Variants in PIK3CA observed in about 807,000 individuals in gnomAD.
PIK3CA encodes the protein phosphatidylinositol-4,5-bisphosphate 3-kinase catalytic subunit alpha.
In PIK3CA, 27 loss-of-function variants were observed where a neutral mutation model predicts 138.2. The observed-to-expected ratio is 0.20, with a 90% CI of 0.14 to 0.27. The LOEUF (loss-of-function observed/expected upper bound fraction) is 0.27, where lower values mean the gene tolerates loss of function less well. Among genes scored for constraint, PIK3CA ranks in the 10% least tolerant of loss-of-function variants. The probability of loss-of-function intolerance (pLI) is 1.00; values close to 1 mark genes in which losing one functional copy is unlikely to be tolerated. For synonymous variants in PIK3CA, 358 were observed against 413.2 expected, an observed-to-expected ratio of 0.87 and a Z score of 1.62; for missense variants, 544 against 1,277.4, an observed-to-expected ratio of 0.43 and a Z score of 8.75.
intron 9 of PIK3CA, among the ~76,000 whole-genome samples, chr3:179,211,443 G>A (rs1560142522): frequency 6.6e-6 from 1 of 152,150 alleles, no homozygotes; most frequent in Non-Finnish European, 1.5e-5. Context: ...GGCCGAAGCG[G>A]GTGAATCACC....
intron 20 of PIK3CA, 125 bp from the exon 21 acceptor site, chr3:179,233,969 A>AGG: frequency 1.6e-6 from 1 of 625,322 alleles, no homozygotes; most frequent in Non-Finnish European, 2.8e-6. Context: ...GAAGTGAGAG[A>AGG]GGAATGCTAT....
intron 1 of PIK3CA, among the ~76,000 whole-genome samples, chr3:179,170,705 A>G (rs1384874583): frequency 4.6e-5 from 7 of 152,376 alleles, no homozygotes; most frequent in South Asian, 2.1e-4. Flanking sequence ...AGAGATAAAG[A>G]GGAACATTTC....
chr3:179,163,396 C>G (rs1376086885), intron 1 of PIK3CA, among the ~76,000 whole-genome samples: 1 of 152,148 alleles, frequency 6.6e-6, no homozygotes, highest in African/African-American at 2.4e-5. Flanking sequence ...AATGTGCCCC[C>G]TCTAGTCCAA....
At chr3:179,165,941 A>G (rs757866631) in intron 1 of PIK3CA, among the ~76,000 whole-genome samples, 5 of 152,198 alleles carry the variant, frequency 3.3e-5, no homozygotes, top group African/African-American at 9.6e-5. Context: ...GACAAAGTCT[A>G]TCTCTCCCTC....
intron 8 of PIK3CA, 34 bp from the exon 9 acceptor site, chr3:179,210,397 A>C: frequency 1.3e-6 from 2 of 1,599,244 alleles, no homozygotes; most frequent in Non-Finnish European, 1.7e-6. Flanking sequence ...CTTCTCTCTT[A>C]TGTATATATA....
chr3:179,155,748 C>T (rs1723124298), intron 1 of PIK3CA, among the ~76,000 whole-genome samples: 1 of 152,016 alleles, frequency 6.6e-6, no homozygotes, highest in African/African-American at 2.4e-5. Context: ...TCCATAGATA[C>T]CAAGGGATAA....
In PIK3CA at chr3:179,238,932, T is replaced by G; in HGVS notation, c.*4568T>G. The G allele has an allele frequency of 4.6e-6, 1 of 218,276 alleles. No individual in the cohort carries two copies. The allele number at this position is 218,276 out of a possible 1,614,324, so 13.5% of individuals were successfully genotyped here. ...AATAAACTTCATGCACCTATTCCAC[T>G]TAAGGTTTTGCACCTCCTTTTTATT... On this transcript the variant is annotated 3_prime_UTR_variant, in exon 21 of 21. Transcript: ENST00000263967.
At position 179,210,557 on chromosome 3, in the gene PIK3CA, G is replaced by A. The variant is rs201631515; in HGVS notation, c.1531G>A (p.Ala511Thr). The change falls in exon 9 of 21, where the codon GCA (alanine) becomes ACA (threonine). Residue 511 changes from alanine (A) to threonine (T), a missense_variant. Ala to Thr is a moderately conservative substitution (Grantham distance 58). Coordinates refer to ENST00000263967, the MANE Select transcript of PIK3CA (RefSeq NM_006218.4). Reference protein sequence around the residue: ...SREAGFSYSHAGLSNRLARDN... With the variant: ...SREAGFSYSHTGLSNRLARDN... ...AGAAGCAGGATTTAGCTATTCCCAC[G>A]CAGGACTGGTAAGGCAAATCACTGA... is the stretch of plus-strand genomic sequence containing the variant. 16 of 1,613,462 alleles carry A rather than the reference G, an allele frequency of 9.9e-6. No individual in the cohort carries two copies. The highest frequency in any genetic ancestry group is 5.0e-5 in the Admixed American group (3 of 59,928).
At chr3:179,194,802 ATAT>A (rs945558380) in intron 1 of PIK3CA, among the ~76,000 whole-genome samples, 11 of 152,096 alleles carry the variant, frequency 7.2e-5, no homozygotes, top group Non-Finnish European at 1.5e-4. Context: ...TTAATCTGTA[ATAT>A]TCTACTGAAA....
intron 1 of PIK3CA, among the ~76,000 whole-genome samples, chr3:179,186,682 T>C (rs1396070547): frequency 6.6e-6 from 1 of 152,232 alleles, no homozygotes; most frequent in Non-Finnish European, 1.5e-5. Flanking sequence ...ATCATCAATA[T>C]AGGTTTGGTT....
chr3:179,167,081 T>C (rs1403440893), intron 1 of PIK3CA, among the ~76,000 whole-genome samples: 2 of 151,934 alleles, frequency 1.3e-5, no homozygotes, highest in African/African-American at 4.8e-5. Flanking sequence ...AAAACTGTTA[T>C]ATCTTATAGG....
chr3:179,224,893 C>G lies in PIK3CA; in HGVS notation c.2416+72C>G, dbSNP rs1397548212. ...TTTTTATACACAGGATATTTATGAA[C>G]CATGAAAACTACTGAAAGCCATTTA... On this transcript the variant is annotated intron_variant, in intron 16 of 20. Coordinates refer to ENST00000263967, the MANE Select transcript of PIK3CA (RefSeq NM_006218.4). 3 of 1,065,860 alleles carry G rather than the reference C, an allele frequency of 2.8e-6. No homozygotes were observed. The Admixed American group carries it at 6.3e-5, about 22-fold the overall frequency. 66.0% of individuals were successfully genotyped at this position (1,065,860 alleles called of 1,614,324 possible).
rs966290881 is a variant in PIK3CA at position 179,186,126 on chromosome 3, A to C, written c.-76-12624A>C. ...GCCAGCCACCAGTCAACTCATTAGC[A>C]TACAGAAAGACCCTTACCACTTTGG... On this transcript the variant is annotated intron_variant, in intron 1 of 20. Coordinates refer to ENST00000263967, the MANE Select transcript of PIK3CA (RefSeq NM_006218.4). Among the ~76,000 whole-genome samples, 8 of 152,200 alleles carry C rather than the reference A, an allele frequency of 5.3e-5. No homozygotes were observed. The East Asian group carries it at 1.5e-3, about 29-fold the overall frequency.
At chr3:179,233,202 T>C (rs1725252362) in intron 20 of PIK3CA, 3 of 396,970 alleles carry the variant, frequency 7.6e-6, no homozygotes, top group Non-Finnish European at 1.3e-5. Context: ...TTTCTAGGTA[T>C]ATGATTATGT....
chr3:179,176,266 C>A lies in PIK3CA; in HGVS notation c.-76-22484C>A, dbSNP rs557791035. Among the ~76,000 whole-genome samples, 85 of 152,274 alleles carry A rather than the reference C, an allele frequency of 5.6e-4. 1 individual carries two copies. The Middle Eastern group carries it at 0.017, about 30-fold the overall frequency. ...CATGATTGGGAAGTCACTGAGTACA[C>A]CAACTGGAGTTGGAGACCTGGAATT... On this transcript the variant is annotated intron_variant, in intron 1 of 20. Coordinates refer to ENST00000263967, the MANE Select transcript of PIK3CA (RefSeq NM_006218.4).
chr3:179,174,881 A>G (rs1170740737), intron 1 of PIK3CA, among the ~76,000 whole-genome samples: 1 of 152,116 alleles, frequency 6.6e-6, no homozygotes, highest in African/African-American at 2.4e-5. Flanking sequence ...CTTAGTTACC[A>G]TTGTGTCTGA....
At chr3:179,173,161 G>C (rs1359544241) in intron 1 of PIK3CA, among the ~76,000 whole-genome samples, 1 of 151,380 alleles carries the variant, frequency 6.6e-6, no homozygotes, top group Non-Finnish European at 1.5e-5. Context: ...TACCTTATTT[G>C]TTAATAAAAA....
At position 179,220,975 on chromosome 3, in the gene PIK3CA, G is replaced by C. The variant is rs200418058; in HGVS notation, c.2016-11G>C. 5.9e-5 allele frequency: 94 copies of C among 1,580,816 alleles called. No individual in the cohort carries two copies. Among genetic ancestry groups the C allele is most frequent in the Non-Finnish European group, 7.5e-5 (87 of 1,163,904 alleles). On this transcript the variant is annotated splice_polypyrimidine_tract_variant and intron_variant, in intron 13 of 20. Transcript: ENST00000263967. This position sits in a 1 kb window ranked among gnomAD's most constrained non-coding sequence, Gnocchi z 4.1. Reference sequence around the variant, plus strand: ...TATATATATATTTTTAATTTTGCACGATTCTTTTAGATCTGAGATGCACAA... The same window carrying C: ...TATATATATATTTTTAATTTTGCACCATTCTTTTAGATCTGAGATGCACAA...
At chr3:179,190,323 C>G (rs1724096843) in intron 1 of PIK3CA, among the ~76,000 whole-genome samples, 1 of 151,320 alleles carries the variant, frequency 6.6e-6, no homozygotes, top group Non-Finnish European at 1.5e-5. Context: ...CCCACCACCC[C>G]CAGCATAAAA....
Sources: gnomAD v4.1 joint callset for allele counts (sites outside exome capture counted in the v4.1 genomes callset) on GRCh38, gnomAD v4.1.1 for gene constraint, Gnocchi (gnomAD v3.1) non-coding constraint, MANE v1.5 for transcripts, NCBI Gene and HGNC (gene_info 2026-07-23, HGNC 2026-07-21) for gene names.